Variants in NR2C1 observed in about 807,000 individuals in gnomAD.
NR2C1 encodes TR2 nuclear hormone receptor.
A neutral mutation model predicts 74.8 loss-of-function variants in NR2C1; 33 were observed. The observed-to-expected ratio is 0.44, with a 90% CI of 0.33 to 0.59. The LOEUF (loss-of-function observed/expected upper bound fraction) is 0.59, where lower values mean the gene tolerates loss of function less well. Among genes scored for constraint, NR2C1 ranks in the 20% least tolerant of loss-of-function variants. NR2C1 has a pLI of 0.02. For missense variants in NR2C1, 568 were observed against 715.6 expected (o/e 0.79, Z 2.35); for synonymous variants, 225 against 240.6 (o/e 0.94, Z 0.60).
intron 13 of NR2C1, among the ~76,000 whole-genome samples, chr12:95,023,083 G>A (rs182989865): frequency 6.6e-6 from 1 of 152,012 alleles, no homozygotes; most frequent in East Asian, 1.9e-4. Context: ...CTTGAGGTCA[G>A]GAGTTCGAGA....
chr12:95,032,997 T>C (rs1870344437), intron 10 of NR2C1, among the ~76,000 whole-genome samples: 1 of 151,876 alleles, frequency 6.6e-6, no homozygotes, highest in African/African-American at 2.4e-5. Flanking sequence ...AACTGGGTGC[T>C]GTGGCACATG....
intron 1 of NR2C1, among the ~76,000 whole-genome samples, chr12:95,069,412 C>T (rs968048425): frequency 6.6e-6 from 1 of 152,240 alleles, no homozygotes; most frequent in Non-Finnish European, 1.5e-5. Context: ...TACTACACCT[C>T]TTCCACGTTT....
In NR2C1 at chr12:95,062,645, C is replaced by T. The variant is rs370279266; in HGVS notation, c.148G>A (p.Asp50Asn). The change falls in exon 3 of 14, where the codon GAC (aspartate) becomes AAC (asparagine). Residue 50 changes from aspartate to asparagine, a missense_variant. Physicochemically the swap from Asp to Asn is conservative, Grantham distance 23. Coordinates refer to ENST00000333003, the MANE Select transcript of NR2C1 (RefSeq NM_003297.4). ...QGKQFILTNHDGSTPSKVILA... is the reference protein window; with the variant it reads ...QGKQFILTNHNGSTPSKVILA... ...ATGACTTTGCTTGGAGTAGAGCCGTCGTGATTTGTCAGAATGAACTGCTTG... is the reference window on the plus strand; with the variant it reads ...ATGACTTTGCTTGGAGTAGAGCCGTTGTGATTTGTCAGAATGAACTGCTTG... The T allele has an allele frequency of 1.7e-5, 27 of 1,614,108 alleles. 1 individual carries two copies. The highest frequency in any genetic ancestry group is 5.5e-5 in the South Asian group (5 of 91,084).
At chr12:95,049,352 T>A in intron 8 of NR2C1, 119 bp from the exon 9 acceptor site, 1 of 899,920 alleles carries the variant, frequency 1.1e-6, no homozygotes, top group Non-Finnish European at 1.7e-6. Flanking sequence ...GGTCTAGAAC[T>A]CAAGTGATAT....
At chr12:95,028,775 G>A (rs899472076) in intron 11 of NR2C1, among the ~76,000 whole-genome samples, 1 of 151,792 alleles carries the variant, frequency 6.6e-6, no homozygotes, top group African/African-American at 2.4e-5. Flanking sequence ...GACTAGAGGC[G>A]CATGCCACCG....
chr12:95,039,777 GTGCATCACCA>G (rs1030596114), intron 10 of NR2C1, among the ~76,000 whole-genome samples: 14 of 152,154 alleles, frequency 9.2e-5, no homozygotes, highest in African/African-American at 2.9e-4. Flanking sequence ...AACTACTAGT[GTGCATCACCA>G]TGCCCAGCTA....
At chr12:95,030,774 C>T in intron 11 of NR2C1, 1 of 1,611,474 alleles carries the variant, frequency 6.2e-7, no homozygotes, top group East Asian at 2.2e-5. Context: ...GTTGATGGGG[C>T]ACTGTTTTGG....
chr12:95,072,270 T>A (rs1407750084), intron 1 of NR2C1, among the ~76,000 whole-genome samples: 17 of 141,012 alleles, frequency 1.2e-4, no homozygotes, highest in Non-Finnish European at 2.5e-4. Context: ...CTACTAAAAA[T>A]ACAAAAAACA....
chr12:95,040,554 T>C lies in NR2C1; in HGVS notation c.1175A>G (p.Tyr392Cys), dbSNP rs1397010567. The stretch of plus-strand genomic sequence containing the variant: ...CAGTCTGGAGGCAGACTCCCCAATG[T>C]AGTGCACATTCAGGTACTCAGGCAT... ...SPMPEYLNVHYIGESASRLLF... is the reference protein window; with the variant it reads ...SPMPEYLNVHCIGESASRLLF... Residue 392 changes from tyrosine to cysteine, a missense_variant, in exon 10 of 14, where the codon TAC becomes TGC. Physicochemically the swap from Tyr to Cys is radical, Grantham distance 194 (BLOSUM62 -2). Around this residue, in one of 6 missense-constraint regions of NR2C1, gnomAD observed 39 missense variants for 64.6 expected, o/e 0.60. Transcript: ENST00000333003. 6.2e-7 allele frequency: 1 copy of C among 1,613,794 alleles called. No individual in the cohort carries two copies. Among genetic ancestry groups the C allele is most frequent in the East Asian group, 2.2e-5 (1 of 44,860 alleles).
chr12:95,028,106 A>G (rs755021893), intron 12 of NR2C1: 11 of 241,206 alleles, frequency 4.6e-5, no homozygotes, highest in Non-Finnish European at 7.9e-5. Flanking sequence ...CTGTTGACCG[A>G]CATTTGGGTT....
At chr12:95,042,354 C>T (rs1871656612) in intron 9 of NR2C1, among the ~76,000 whole-genome samples, 1 of 151,556 alleles carries the variant, frequency 6.6e-6, no homozygotes, top group Non-Finnish European at 1.5e-5. Flanking sequence ...GGACTACAGG[C>T]GTGTGCCACC....
intron 7 of NR2C1, among the ~76,000 whole-genome samples, chr12:95,052,196 A>C (rs1873113914): frequency 1.3e-5 from 2 of 150,852 alleles, no homozygotes; most frequent in Admixed American, 1.3e-4. Flanking sequence ...TCACTCTGTC[A>C]CTAGGCTGGA....
chr12:95,052,622 G>T (rs1407122517), intron 7 of NR2C1, among the ~76,000 whole-genome samples: 2 of 151,434 alleles, frequency 1.3e-5, no homozygotes, highest in Non-Finnish European at 2.9e-5. Flanking sequence ...TGCCTGGGTT[G>T]TTTTTTCATT....
Position 95,062,758 on chromosome 12 carries a change from TAATC to T in NR2C1, c.55-24_55-21del. The stretch of plus-strand genomic sequence containing the variant: ...AACAATCTAACAAAATCATGAAAAA[TAATC>T]AATGAAACTCAATAATTTTTCTTTA... On this transcript the variant is annotated intron_variant, in intron 2 of 13. Transcript: ENST00000333003. The T allele has an allele frequency of 1.3e-6, 2 of 1,572,308 alleles. No homozygotes were observed. Among genetic ancestry groups the T allele is most frequent in the Non-Finnish European group, 1.8e-6 (2 of 1,142,428 alleles).
chr12:95,072,294 AAAC>A (rs1876772805), intron 1 of NR2C1, among the ~76,000 whole-genome samples: 1 of 134,394 alleles, frequency 7.4e-6, no homozygotes, highest in African/African-American at 2.9e-5. Flanking sequence ...ACAAAAACAA[AAAC>A]AAAAAAACTA....
chr12:95,070,367 A>G (rs1280641782), intron 1 of NR2C1, among the ~76,000 whole-genome samples: 1 of 152,066 alleles, frequency 6.6e-6, no homozygotes, highest in Admixed American at 6.6e-5. Flanking sequence ...CTTGATCTCA[A>G]GTGATCCGCC....
At chr12:95,062,332 G>A (rs1421038263) in intron 3 of NR2C1, among the ~76,000 whole-genome samples, 176 bp downstream of exon 3, 1 of 152,168 alleles carries the variant, frequency 6.6e-6, no homozygotes, top group Non-Finnish European at 1.5e-5. Flanking sequence ...ATGAGTGTGA[G>A]GAAAGTACAG....
chr12:95,022,894 G>C (rs928910621), intron 13 of NR2C1, among the ~76,000 whole-genome samples: 7 of 151,182 alleles, frequency 4.6e-5, no homozygotes, highest in South Asian at 2.1e-4. Context: ...GTAGAGACAG[G>C]GTCTCACTAT....
At chr12:95,028,177 CATAGAT>C (rs530408391) in intron 12 of NR2C1, 82 of 466,288 alleles carry the variant, frequency 1.8e-4, no homozygotes, top group African/African-American at 1.6e-3. Flanking sequence ...CACATTCTTG[CATAGAT>C]ATATATTTTT....
Sources: gnomAD v4.1 joint callset for allele counts (sites outside exome capture counted in the v4.1 genomes callset) on GRCh38, gnomAD v4.1.1 for gene constraint, gnomAD v4.1.1 regional missense constraint, MANE v1.5 for transcripts, NCBI Gene and HGNC (gene_info 2026-07-23, HGNC 2026-07-21) for gene names.